The following LEKR1 variants were observed in gnomAD, a reference collection of about 807,000 sequenced individuals.
LEKR1 encodes the protein protein LEKR1.
A neutral mutation model predicts 72.4 loss-of-function variants in LEKR1; 59 were observed. The observed-to-expected ratio is 0.82, with a 90% CI of 0.66 to 1.01. The LOEUF (loss-of-function observed/expected upper bound fraction) is 1.01. Among genes scored for constraint, LEKR1 ranks in the 50% least tolerant of loss-of-function variants. The probability of loss-of-function intolerance (pLI) is 0.00; values close to 1 mark genes in which losing one functional copy is unlikely to be tolerated. For missense variants in LEKR1, 728 were observed against 759.2 expected (o/e 0.96, Z 0.48); for synonymous variants, 257 against 263.2 (o/e 0.98, Z 0.23).
chr3:156,888,534 A>G, intron 3 of LEKR1: 3 of 586,530 alleles, frequency 5.1e-6, no homozygotes, highest in Non-Finnish European at 9.2e-6. Context: ...AGAAACACAT[A>G]AAAAGACTGA....
At chr3:156,961,243 C>T (rs2107983823) in intron 6 of LEKR1, among the ~76,000 whole-genome samples, 1 of 152,188 alleles carries the variant, frequency 6.6e-6, no homozygotes, top group South Asian at 2.1e-4. Context: ...TTTTAACATC[C>T]TAATTGAATC....
chr3:156,970,826 A>G (rs1335381723), intron 6 of LEKR1, among the ~76,000 whole-genome samples: 1 of 152,168 alleles, frequency 6.6e-6, no homozygotes, highest in African/African-American at 2.4e-5. Flanking sequence ...ACCACTGCTC[A>G]AGGAAATAAA....
At chr3:156,832,579 A>G (rs1234818909) in intron 2 of LEKR1, among the ~76,000 whole-genome samples, 5 of 152,216 alleles carry the variant, frequency 3.3e-5, no homozygotes, top group African/African-American at 7.2e-5. Context: ...AATTTATTTC[A>G]TAAGGAATCT....
intron 2 of LEKR1, among the ~76,000 whole-genome samples, chr3:156,830,310 G>A (rs545846098): frequency 6.6e-6 from 1 of 152,276 alleles, no homozygotes; most frequent in African/African-American, 2.4e-5. Flanking sequence ...ATCATGTTTA[G>A]TGCAATTTCA....
intron 3 of LEKR1, among the ~76,000 whole-genome samples, chr3:156,881,303 C>G (rs1044914315): frequency 1.3e-5 from 2 of 152,224 alleles, no homozygotes; most frequent in South Asian, 2.1e-4. Flanking sequence ...TCAGCAAAGT[C>G]TCAGCCTACA....
intron 3 of LEKR1, among the ~76,000 whole-genome samples, chr3:156,885,540 G>T (rs1381680516): frequency 6.6e-6 from 1 of 152,172 alleles, no homozygotes; most frequent in East Asian, 1.9e-4. Flanking sequence ...GGACTGCAGT[G>T]ATTGTTATTG....
intron 6 of LEKR1, among the ~76,000 whole-genome samples, chr3:156,952,357 AATGCT>A (rs1240428297): frequency 6.6e-6 from 1 of 151,486 alleles, no homozygotes; most frequent in Non-Finnish European, 1.5e-5. Context: ...AGGAGCTGTT[AATGCT>A]GACAATATAA....
chr3:156,904,036 G>T (rs1463763015), intron 3 of LEKR1, among the ~76,000 whole-genome samples: 2 of 152,164 alleles, frequency 1.3e-5, no homozygotes, highest in African/African-American at 4.8e-5. Context: ...CCAAACAGTG[G>T]TTACCCACTG....
At chr3:156,877,479 C>G (rs1718743670) in intron 3 of LEKR1, among the ~76,000 whole-genome samples, 3 of 152,114 alleles carry the variant, frequency 2.0e-5, no homozygotes, top group South Asian at 2.1e-4. Context: ...TTTTTTACTA[C>G]TGTTTTAGTC....
chr3:157,024,436 A>C (rs1734052178), intron 10 of LEKR1, among the ~76,000 whole-genome samples: 1 of 152,146 alleles, frequency 6.6e-6, no homozygotes, highest in African/African-American at 2.4e-5. Context: ...CAAAAACTTC[A>C]ATTTTCTGAG....
intron 3 of LEKR1, among the ~76,000 whole-genome samples, chr3:156,895,614 A>G (rs1302105135): frequency 6.6e-6 from 1 of 152,140 alleles, no homozygotes; most frequent in Admixed American, 6.5e-5. Flanking sequence ...TTGTCTCAAA[A>G]AAAAAACAAA....
chr3:156,892,052 A>G (rs940857919), intron 3 of LEKR1, among the ~76,000 whole-genome samples: 2 of 152,188 alleles, frequency 1.3e-5, no homozygotes, highest in South Asian at 4.1e-4. Flanking sequence ...ACCAAAAAAA[A>G]AAATCAGCAA....
chr3:156,955,587 C>T (rs2107979411), intron 6 of LEKR1, among the ~76,000 whole-genome samples: 1 of 151,914 alleles, frequency 6.6e-6, no homozygotes, highest in African/African-American at 2.4e-5. Context: ...GCCTTTTTGC[C>T]ATTTATTGAG....
At chr3:156,874,978 A>T (rs986066331) in intron 3 of LEKR1, among the ~76,000 whole-genome samples, 3 of 152,136 alleles carry the variant, frequency 2.0e-5, no homozygotes, top group African/African-American at 7.2e-5. Context: ...GCAATTGTGA[A>T]TTGTGCTGTG....
At position 157,045,522 on chromosome 3, in the gene LEKR1, T is replaced by C; in HGVS notation, c.1851T>C (p.His617=). 1 of 1,614,096 alleles carries C rather than the reference T, an allele frequency of 6.2e-7. No individual in the cohort carries two copies. Among genetic ancestry groups the C allele is most frequent in the Non-Finnish European group, 8.5e-7 (1 of 1,179,996 alleles). Residue 617 remains histidine (H), a synonymous_variant, in exon 13 of 13, where the codon CAT becomes CAC. Coordinates refer to ENST00000356539, the MANE Select transcript of LEKR1 (RefSeq NM_001004316.3). ...CCCCTGCTGCAGCAGTCAGTAATCA[T>C]GGAGAGAGAAGCCTTGCAAGACTGA... ...LTSPAAAVSN[H]GERSLARLNS...
chr3:157,029,789 G>A (rs1734471355), intron 12 of LEKR1, among the ~76,000 whole-genome samples: 1 of 152,122 alleles, frequency 6.6e-6, no homozygotes, highest in Non-Finnish European at 1.5e-5. Flanking sequence ...TGAATCTCTA[G>A]AGGAGGGAAG....
intron 5 of LEKR1, among the ~76,000 whole-genome samples, chr3:156,941,141 A>AT (rs1156980681): frequency 5.9e-5 from 9 of 151,652 alleles, no homozygotes; most frequent in Admixed American, 6.6e-5. Context: ...ATTTTGAGGA[A>AT]AAAAAAATCC....
intron 2 of LEKR1, among the ~76,000 whole-genome samples, chr3:156,846,396 C>G (rs1205302496): frequency 1.3e-5 from 2 of 151,400 alleles, no homozygotes; most frequent in Non-Finnish European, 2.9e-5. Context: ...ATTTTCCCAA[C>G]CTTAGGGGGA....
At chr3:156,976,699 T>C (rs977053800) in intron 6 of LEKR1, among the ~76,000 whole-genome samples, 18 of 152,148 alleles carry the variant, frequency 1.2e-4, no homozygotes, top group African/African-American at 4.1e-4. Flanking sequence ...TTATGGACAA[T>C]ATCATATTCT....
Sources: gnomAD v4.1 joint callset for allele counts (sites outside exome capture counted in the v4.1 genomes callset) on GRCh38, gnomAD v4.1.1 for gene constraint, MANE v1.5 for transcripts, NCBI Gene and HGNC (gene_info 2026-07-23, HGNC 2026-07-21) for gene names.